ATAD2B: variants seen among roughly 807,000 people sequenced by gnomAD.
The protein encoded by ATAD2B is ATPase family AAA domain containing 2B.
Under a neutral mutation model 167.6 loss-of-function variants are expected in ATAD2B, and 40 were observed. That is an observed-to-expected ratio of 0.24 (90% confidence interval 0.19 to 0.31). The LOEUF (loss-of-function observed/expected upper bound fraction) is 0.31. Ranked by LOEUF, ATAD2B falls within the 10% of genes least tolerant of loss-of-function variation. ATAD2B has a pLI of 1.00. For missense variants in ATAD2B, 1,242 were observed against 1,757.2 expected (o/e 0.71, Z 5.24); for synonymous variants, 579 against 596.5 (o/e 0.97, Z 0.43).
At chr2:23,770,950 T>C (rs1483803631) in intron 22 of ATAD2B, among the ~76,000 whole-genome samples, 2 of 152,160 alleles carry the variant, frequency 1.3e-5, no homozygotes, top group African/African-American at 4.8e-5. Flanking sequence ...TAATGTTGAG[T>C]CTTCCAATCC....
At position 23,885,901 on chromosome 2, in the gene ATAD2B, G is replaced by A. The variant is rs979193553; in HGVS notation, c.573-72C>T. 1.1e-5 allele frequency: 10 copies of A among 896,998 alleles called. No individual in the cohort carries two copies. In the African/African-American group the frequency reaches 1.4e-4, roughly 12 times the overall value. The allele number at this position is 896,998 out of a possible 1,614,324, so 55.6% of individuals were successfully genotyped here. A position where few individuals can be genotyped will look rare whatever the true frequency, so the allele number is the denominator to read the frequency against. ...ATACATAAAAGAGCTCTTTGTGAAA[G>A]TGTAATCAAATCATCTCTGATGTGT... On this transcript the variant is annotated intron_variant, in intron 4 of 27. Transcript: ENST00000238789.
At chr2:23,711,364 T>C in the ATAD2B span, among the ~76,000 whole-genome samples, 1 of 112,896 alleles carries the variant, frequency 8.9e-6, no homozygotes, top group Non-Finnish European at 1.8e-5. Flanking sequence ...TTTTTTTTTT[T>C]TTTTTTTTTT....
chr2:23,829,058 T>C, intron 14 of ATAD2B, 119 bp from the exon 15 acceptor site: 3 of 649,010 alleles, frequency 4.6e-6, no homozygotes, highest in Non-Finnish European at 5.3e-6. Flanking sequence ...CCCATTAAAA[T>C]TTTTATTTTA....
At chr2:23,700,016 C>T in the ATAD2B span, among the ~76,000 whole-genome samples, 1 of 152,236 alleles carries the variant, frequency 6.6e-6, no homozygotes, top group Non-Finnish European at 1.5e-5. This position sits in a 1 kb window ranked among gnomAD's most constrained non-coding sequence, Gnocchi z 4.6. Flanking sequence ...CAGCTACACT[C>T]GTGCCATCCT....
At chr2:23,818,096 TACA>T (rs1686754143) in intron 17 of ATAD2B, among the ~76,000 whole-genome samples, 1 of 139,442 alleles carries the variant, frequency 7.2e-6, no homozygotes, top group Non-Finnish European at 1.6e-5. Flanking sequence ...ACACACACAT[TACA>T]CACACACACA....
chr2:23,908,533 T>G (rs1006104967), intron 1 of ATAD2B, among the ~76,000 whole-genome samples: 11 of 152,156 alleles, frequency 7.2e-5, no homozygotes, highest in Admixed American at 1.3e-4. Flanking sequence ...TTTTACACTG[T>G]TGGTGGGACT....
Position 23,798,204 on chromosome 2 carries a change from T to C in ATAD2B, c.2574A>G (p.Ile858Met). 6.2e-7 allele frequency: 1 copy of C among 1,607,170 alleles called. No individual in the cohort carries two copies. Among genetic ancestry groups the C allele is most frequent in the Non-Finnish European group, 8.5e-7 (1 of 1,175,072 alleles). The change falls in exon 19 of 28, where the codon ATA becomes ATG. Residue 858 changes from isoleucine to methionine, a missense_variant. Ile to Met is a conservative substitution (Grantham distance 10). This residue lies in a region of ATAD2B where 34 missense variants were observed against 101.1 expected (regional missense o/e 0.34). Coordinates refer to ENST00000238789, the MANE Select transcript of ATAD2B (RefSeq NM_017552.4). The part of the protein sequence containing the change: ...RATFLTLLQD[I>M]PSFSPIFLLS... ...ATAAAAATATAGGTGAAAATGATGG[T>C]ATATCTTGTAGCAATGTCAGAAAAG...
chr2:23,869,837 A>G (rs1573143431), intron 8 of ATAD2B, 76 bp from the exon 9 acceptor site: 5 of 884,076 alleles, frequency 5.7e-6, no homozygotes, highest in East Asian at 2.7e-5. Flanking sequence ...AATATCTACA[A>G]TTAGCTCAGA....
chr2:23,857,240 T>G (rs1693571266), intron 13 of ATAD2B, among the ~76,000 whole-genome samples, 175 bp downstream of exon 13: 1 of 152,226 alleles, frequency 6.6e-6, no homozygotes, highest in South Asian at 2.1e-4. Flanking sequence ...GGCCTGGATT[T>G]GGCTCACAGG....
At chr2:23,831,055 A>T (rs1373864211) in intron 14 of ATAD2B, among the ~76,000 whole-genome samples, 1 of 152,168 alleles carries the variant, frequency 6.6e-6, no homozygotes, top group Non-Finnish European at 1.5e-5. Flanking sequence ...CAAGACATGG[A>T]ATGAAGAAAA....
intron 1 of ATAD2B, among the ~76,000 whole-genome samples, chr2:23,907,657 C>T (rs562757750): frequency 5.3e-5 from 8 of 152,190 alleles, no homozygotes; most frequent in African/African-American, 1.7e-4. Flanking sequence ...TCATATGGAA[C>T]CAAAAAAGAG....
chr2:23,807,293 C>A (rs1201791561), intron 18 of ATAD2B, among the ~76,000 whole-genome samples: 1 of 20,262 alleles, frequency 4.9e-5, no homozygotes, highest in Admixed American at 5.8e-4. Flanking sequence ...CACACACATA[C>A]ACACACTAGA....
At chr2:23,803,317 C>T (rs1572820731) in intron 18 of ATAD2B, among the ~76,000 whole-genome samples, 1 of 108,442 alleles carries the variant, frequency 9.2e-6, no homozygotes, top group East Asian at 2.2e-4. Context: ...TGTGTGTACA[C>T]ACACACACAC....
intron 12 of ATAD2B, among the ~76,000 whole-genome samples, 195 bp from the exon 13 acceptor site, chr2:23,857,698 T>G (rs1157221132): frequency 6.6e-6 from 1 of 152,070 alleles, no homozygotes; most frequent in African/African-American, 2.4e-5. Context: ...GTTTTCAGTT[T>G]GTTTATTCTT....
intron 8 of ATAD2B, chr2:23,872,976 C>T (rs966596567): frequency 2.7e-6 from 2 of 740,006 alleles, no homozygotes; most frequent in Non-Finnish European, 5.0e-6. Flanking sequence ...TCCAGGTGCT[C>T]TCACTGGGCC....
downstream of ATAD2B, among the ~76,000 whole-genome samples, chr2:23,745,708 G>A (rs918198478): frequency 6.6e-6 from 1 of 152,186 alleles, no homozygotes; most frequent in African/African-American, 2.4e-5. Context: ...GTTAATGCTT[G>A]TAATAATACC....
At chr2:23,821,763 A>G (rs1687482524) in intron 16 of ATAD2B, among the ~76,000 whole-genome samples, 1 of 152,206 alleles carries the variant, frequency 6.6e-6, no homozygotes, top group African/African-American at 2.4e-5. Flanking sequence ...ATGTCAATGT[A>G]ATTTTTAAAT....
intron 19 of ATAD2B, among the ~76,000 whole-genome samples, chr2:23,796,602 T>G (rs1474279547): frequency 6.6e-6 from 1 of 152,182 alleles, no homozygotes; most frequent in Non-Finnish European, 1.5e-5. Flanking sequence ...CCCTCATGTA[T>G]CCCACATTTT....
chr2:23,898,030 T>C (rs1700352666), intron 1 of ATAD2B, among the ~76,000 whole-genome samples: 1 of 152,196 alleles, frequency 6.6e-6, no homozygotes, highest in African/African-American at 2.4e-5. Context: ...CTGCAGCCTC[T>C]GCCTCCTGGA....
Sources: gnomAD v4.1 joint callset for allele counts (sites outside exome capture counted in the v4.1 genomes callset) on GRCh38, gnomAD v4.1.1 for gene constraint, gnomAD v4.1.1 regional missense constraint, Gnocchi (gnomAD v3.1) non-coding constraint, MANE v1.5 for transcripts, NCBI Gene and HGNC (gene_info 2026-07-23, HGNC 2026-07-21) for gene names.